Variants in CFAP95 observed in about 807,000 individuals in gnomAD.
CFAP95 encodes cilia and flagella associated protein 95.
chr9:69,841,167 TATATATATATA>T, the CFAP95 span, among the ~76,000 whole-genome samples: 90 of 92,452 alleles, frequency 9.7e-4, 2 homozygotes, highest in Middle Eastern at 5.1e-3. Context: ...AGCTGGATTA[TATATATATATA>T]TATATATATA....
At chr9:69,822,484 A>T in the CFAP95 span, among the ~76,000 whole-genome samples, 1 of 152,242 alleles carries the variant, frequency 6.6e-6, no homozygotes, top group Non-Finnish European at 1.5e-5. Flanking sequence ...TGGGAAACAG[A>T]ACATCCTCTT....
the CFAP95 span, among the ~76,000 whole-genome samples, chr9:69,845,524 A>AT: frequency 2.0e-5 from 3 of 152,334 alleles, no homozygotes; most frequent in East Asian, 5.8e-4. Context: ...ATAATTCCAC[A>AT]TTGGAAATTG....
the CFAP95 span, among the ~76,000 whole-genome samples, chr9:69,895,361 C>CTGTGTGTG: frequency 6.6e-3 from 609 of 91,712 alleles, 4 homozygotes; most frequent in African/African-American, 0.021. Context: ...CTCTCTCTCT[C>CTGTGTGTG]TCTCTCTCTG....
chr9:69,884,994 A>G, the CFAP95 span: 6 of 152,194 alleles, frequency 3.9e-5, no homozygotes, highest in Admixed American at 3.9e-4. Context: ...TCCCACCCCT[A>G]GAGTTTCTAA....
the CFAP95 span, among the ~76,000 whole-genome samples, chr9:69,890,537 T>C: frequency 9.2e-5 from 14 of 152,214 alleles, no homozygotes; most frequent in African/African-American, 3.4e-4. Context: ...AGAGTAGTGA[T>C]TGAACTCTTA....
chr9:69,862,178 A>G, the CFAP95 span, among the ~76,000 whole-genome samples: 1 of 152,238 alleles, frequency 6.6e-6, no homozygotes, highest in Non-Finnish European at 1.5e-5. Context: ...ACAGCAAATT[A>G]TAATAGAAGA....
chr9:69,888,099 A>G, the CFAP95 span, among the ~76,000 whole-genome samples: 1 of 152,226 alleles, frequency 6.6e-6, no homozygotes, highest in East Asian at 1.9e-4. Context: ...AACTAACTAT[A>G]AACCAAATTT....
At chr9:69,883,012 A>C in the CFAP95 span, among the ~76,000 whole-genome samples, 2 of 152,114 alleles carry the variant, frequency 1.3e-5, no homozygotes, top group African/African-American at 4.8e-5. Flanking sequence ...AGAATAGTTG[A>C]GTAGGATTGG....
chr9:69,871,109 T>C, the CFAP95 span, among the ~76,000 whole-genome samples: 1 of 151,946 alleles, frequency 6.6e-6, no homozygotes, highest in East Asian at 1.9e-4. Flanking sequence ...TCCCAGCTAC[T>C]TGGGAGGCTG....
At chr9:69,877,198 A>G in the CFAP95 span, among the ~76,000 whole-genome samples, 2,612 of 152,266 alleles carry the variant, frequency 0.017, 38 homozygotes, top group Non-Finnish European at 0.026. Context: ...CTCTTTCCTC[A>G]CTAACTTGTA....
chr9:69,820,893 A>C, the CFAP95 span: 1 of 1,614,042 alleles, frequency 6.2e-7, no homozygotes, highest in Non-Finnish European at 8.5e-7. Flanking sequence ...GATAGCCTTG[A>C]CAGATCCTGC....
the CFAP95 span, among the ~76,000 whole-genome samples, chr9:69,876,352 A>C: frequency 2.0e-5 from 3 of 151,892 alleles, no homozygotes; most frequent in South Asian, 6.2e-4. Flanking sequence ...GGCCAACATG[A>C]CAAAACCCCA....
chr9:69,845,232 C>T, the CFAP95 span, among the ~76,000 whole-genome samples: 16 of 152,240 alleles, frequency 1.1e-4, no homozygotes, highest in Admixed American at 8.5e-4. Context: ...GAGGTGAGTG[C>T]GTTACTGCTT....
chr9:69,878,827 CT>C, the CFAP95 span, among the ~76,000 whole-genome samples: 1 of 152,168 alleles, frequency 6.6e-6, no homozygotes, highest in Non-Finnish European at 1.5e-5. Flanking sequence ...GTTCTACAGG[CT>C]TTATAGGAAA....
chr9:69,883,726 G>A, the CFAP95 span, among the ~76,000 whole-genome samples: 1 of 151,580 alleles, frequency 6.6e-6, no homozygotes, highest in Non-Finnish European at 1.5e-5. Context: ...CCTATCAGTT[G>A]TAATGTCTCC....
At chr9:69,839,271 C>T in the CFAP95 span, among the ~76,000 whole-genome samples, 1 of 143,186 alleles carries the variant, frequency 7.0e-6, no homozygotes, top group East Asian at 2.1e-4. Flanking sequence ...GGAGGATTCC[C>T]TCTTTTTCTC....
the CFAP95 span, among the ~76,000 whole-genome samples, chr9:69,890,164 AT>A: frequency 6.6e-6 from 1 of 152,224 alleles, no homozygotes; most frequent in African/African-American, 2.4e-5. Context: ...AAGAAATCTA[AT>A]TAAAAACTCA....
chr9:69,848,214 G>T, the CFAP95 span, among the ~76,000 whole-genome samples: 3 of 152,212 alleles, frequency 2.0e-5, no homozygotes, highest in African/African-American at 7.2e-5. Flanking sequence ...GCAACAATGT[G>T]TGAATCCTCG....
chr9:69,849,236 G>C, the CFAP95 span, among the ~76,000 whole-genome samples: 1 of 152,090 alleles, frequency 6.6e-6, no homozygotes, highest in Non-Finnish European at 1.5e-5. Flanking sequence ...TTTCTCCCCA[G>C]TTCCTAGAAC....
Sources: gnomAD v4.1 joint callset for allele counts (sites outside exome capture counted in the v4.1 genomes callset) on GRCh38, gnomAD v4.1.1 for gene constraint, MANE v1.5 for transcripts, NCBI Gene and HGNC (gene_info 2026-07-23, HGNC 2026-07-21) for gene names.